The following TCTN2 variants were observed in gnomAD, a reference collection of about 807,000 sequenced individuals.
TCTN2 encodes the protein tectonic family member 2, also known as tectonic-2.
Under a neutral mutation model 83.4 loss-of-function variants are expected in TCTN2, and 66 were observed. The observed-to-expected ratio is 0.79, with a 90% CI of 0.65 to 0.97. The LOEUF (loss-of-function observed/expected upper bound fraction) is 0.97, where lower values mean the gene tolerates loss of function less well. Among genes scored for constraint, TCTN2 ranks in the 50% least tolerant of loss-of-function variants. TCTN2 has a pLI of 0.00. For missense variants in TCTN2, 794 were observed against 858.1 expected (o/e 0.93, Z 0.93); for synonymous variants, 301 against 326.7 (o/e 0.92, Z 0.85).
Position 123,704,531 on chromosome 12 carries a change from G to C in TCTN2, c.1613-1G>C, listed in dbSNP as rs1593868632. On this transcript the variant is annotated splice_acceptor_variant, in intron 14 of 17. Transcript: ENST00000303372. LOFTEE classifies it high-confidence loss of function. The stretch of plus-strand genomic sequence containing the variant: ...AAGTGTATAACTTAACATTTCTATA[G>C]GTGTAGATGCCCCTGATCCAGGTGC... 6.2e-7 allele frequency: 1 copy of C among 1,610,100 alleles called. No individual in the cohort carries two copies. The highest frequency in any genetic ancestry group is 1.1e-5 in the South Asian group (1 of 90,500).
intron 11 of TCTN2, 115 bp from the exon 12 acceptor site, chr12:123,696,300 G>A (rs1241972381): frequency 4.6e-6 from 4 of 874,492 alleles, no homozygotes; most frequent in African/African-American, 1.7e-5. Context: ...GGGTATTTTC[G>A]AAAGCTTCGC....
chr12:123,695,510 C>A, intron 11 of TCTN2: 1 of 438,384 alleles, frequency 2.3e-6, no homozygotes, highest in Non-Finnish European at 4.1e-6. Context: ...CAACCTGCAC[C>A]TCCTGGGTTC....
intron 3 of TCTN2, among the ~76,000 whole-genome samples, chr12:123,673,397 G>A (rs746934693): frequency 6.6e-6 from 1 of 152,152 alleles, no homozygotes; most frequent in African/African-American, 2.4e-5. Context: ...TAAGTATCCC[G>A]AAGTTGTTTG....
chr12:123,686,930 C>G lies in TCTN2; in HGVS notation c.659C>G (p.Ser220Cys). The G allele has an allele frequency of 6.2e-7, 1 of 1,614,216 alleles. No individual in the cohort carries two copies. Among genetic ancestry groups the G allele is most frequent in the Non-Finnish European group, 8.5e-7 (1 of 1,180,050 alleles). Residue 220 changes from serine to cysteine, a missense_variant, in exon 6 of 18, where the codon TCT becomes TGT. Physicochemically the swap from Ser to Cys is moderately radical, Grantham distance 112. Coordinates refer to ENST00000303372, the MANE Select transcript of TCTN2 (RefSeq NM_024809.5). ...DVNPPFDQLCSAGTTTRGVPD... is the reference protein window; with the variant it reads ...DVNPPFDQLCCAGTTTRGVPD... ...AATCCTCCTTTTGATCAGCTCTGCT[C>G]TGCTGGGACGACGACACGTGGTGTC...
intron 9 of TCTN2, among the ~76,000 whole-genome samples, chr12:123,693,018 CTTTTTTTT>C (rs539689505): frequency 9.3e-5 from 5 of 53,780 alleles, no homozygotes; most frequent in South Asian, 7.5e-4. Flanking sequence ...TTAAATAATT[CTTTTTTTT>C]TTTTTTTTTT....
chr12:123,677,468 A>G (rs1347118419), intron 4 of TCTN2, among the ~76,000 whole-genome samples: 1 of 152,206 alleles, frequency 6.6e-6, no homozygotes, highest in African/African-American at 2.4e-5. Flanking sequence ...AATTCAGCAG[A>G]ATGAAACTTT....
At chr12:123,684,792 C>T (rs1446982151) in intron 5 of TCTN2, among the ~76,000 whole-genome samples, 1 of 152,038 alleles carries the variant, frequency 6.6e-6, no homozygotes, top group African/African-American at 2.4e-5. Flanking sequence ...TGGCTCACCA[C>T]TGTAATCCCA....
chr12:123,707,725 GC>G lies in TCTN2; in HGVS notation c.*13del. ...AAGCCTATAGTTAGACAACCACCTG[GC>G]TTTTATTTTTTTGAGATGGAGTTTT... On this transcript the variant is annotated 3_prime_UTR_variant, in exon 18 of 18. Coordinates refer to ENST00000303372, the MANE Select transcript of TCTN2 (RefSeq NM_024809.5). The G allele has an allele frequency of 6.2e-7, 1 of 1,608,756 alleles. No individual in the cohort carries two copies. Among genetic ancestry groups the G allele is most frequent in the Non-Finnish European group, 8.5e-7 (1 of 1,175,292 alleles).
At chr12:123,703,034 G>C in intron 14 of TCTN2, among the ~76,000 whole-genome samples, 1 of 152,114 alleles carries the variant, frequency 6.6e-6, no homozygotes, top group East Asian at 1.9e-4. Flanking sequence ...TTTTCTCCAA[G>C]ACGAATGCAA....
intron 14 of TCTN2, among the ~76,000 whole-genome samples, chr12:123,703,382 A>T (rs1566263225): frequency 6.6e-6 from 1 of 152,066 alleles, no homozygotes; most frequent in Non-Finnish European, 1.5e-5. Context: ...GGGTTTCACC[A>T]TGTTGGCCAG....
In TCTN2 at chr12:123,673,684, T is replaced by G; in HGVS notation, c.337T>G (p.Phe113Val). The change falls in exon 4 of 18, where the codon TTC becomes GTC. Residue 113 changes from phenylalanine to valine, a missense_variant. Transcript: ENST00000303372. ...DWCSSNETDSFSESPCILQTL... is the reference protein window; with the variant it reads ...DWCSSNETDSVSESPCILQTL... The stretch of plus-strand genomic sequence containing the variant: ...GTGTTCCTCCAATGAGACAGATTCC[T>G]TCTCAGAGTCCCCCTGTATCCTCCA... The G allele has an allele frequency of 6.2e-7, 1 of 1,614,226 alleles. No individual in the cohort carries two copies. Among genetic ancestry groups the G allele is most frequent in the African/African-American group, 1.3e-5 (1 of 75,064 alleles).
At chr12:123,687,850 C>T (rs974522311) in intron 6 of TCTN2, among the ~76,000 whole-genome samples, 1 of 151,890 alleles carries the variant, frequency 6.6e-6, no homozygotes, top group Non-Finnish European at 1.5e-5. Context: ...GTAATCCCAG[C>T]TTACTCGGGA....
intron 13 of TCTN2, among the ~76,000 whole-genome samples, chr12:123,698,435 G>A (rs1360254083): frequency 2.6e-5 from 4 of 151,430 alleles, no homozygotes; most frequent in Admixed American, 6.6e-5. Flanking sequence ...GATTGCATGC[G>A]TTCTTTTTGG....
At position 123,697,211 on chromosome 12, in the gene TCTN2, T is replaced by C. The variant is rs2135849825; in HGVS notation, c.1505+13T>C. ...GTACTCAGCTCAGGTGAGTGTTTCA[T>C]TGATGAATATATCGGCAATGTGAAT... On this transcript the variant is annotated intron_variant, in intron 13 of 17. Coordinates refer to ENST00000303372, the MANE Select transcript of TCTN2 (RefSeq NM_024809.5). The C allele has an allele frequency of 1.3e-6, 2 of 1,555,952 alleles. No individual in the cohort carries two copies. The highest frequency in any genetic ancestry group is 1.8e-6 in the Non-Finnish European group (2 of 1,126,918).
intron 3 of TCTN2, among the ~76,000 whole-genome samples, chr12:123,672,962 A>G (rs1048898280): frequency 2.0e-5 from 3 of 152,054 alleles, no homozygotes; most frequent in Non-Finnish European, 4.4e-5. Context: ...AGGCAGGAGA[A>G]TCACTTGAAC....
rs754269286 is a variant in TCTN2 at position 123,695,188 on chromosome 12, G to A, written c.1235-32G>A. On this transcript the variant is annotated intron_variant, in intron 10 of 17. Transcript: ENST00000303372. ...TAATTTCTTTTCCTAGTGAAATGGT[G>A]CACATTATATTTTATTTTGTTTTAT... The A allele has an allele frequency of 1.9e-4, 280 of 1,461,450 alleles. 1 individual carries two copies. The highest frequency in any genetic ancestry group is 1.8e-4 in the Admixed American group (11 of 59,718). 90.5% of individuals were successfully genotyped at this position (1,461,450 alleles called of 1,614,324 possible).
At chr12:123,684,056 G>GT (rs1477637363) in intron 5 of TCTN2, among the ~76,000 whole-genome samples, 1 of 152,162 alleles carries the variant, frequency 6.6e-6, no homozygotes, top group Admixed American at 6.6e-5. Context: ...TGTTTCATTG[G>GT]TTTTTTACTT....
intron 4 of TCTN2, among the ~76,000 whole-genome samples, chr12:123,676,051 A>T (rs1955816484): frequency 6.6e-6 from 1 of 150,636 alleles, no homozygotes; most frequent in Non-Finnish European, 1.5e-5. Flanking sequence ...GGCTGAGGTG[A>T]GTGGGCCACT....
Position 123,672,778 on chromosome 12 carries a change from C to T in TCTN2, c.267+646C>T, listed in dbSNP as rs1207591213. On this transcript the variant is annotated intron_variant, in intron 3 of 17. Transcript: ENST00000303372. The stretch of plus-strand genomic sequence containing the variant: ...AAAAAAAGAAAAAGCTGGTCAGGCG[C>T]GGTGGCTCACGCCTGTAATCCTAGC... 2.0e-5 allele frequency among the ~76,000 whole-genome samples: 3 copies of T among 151,250 alleles called. No individual in the cohort carries two copies. In the East Asian group the frequency reaches 5.9e-4, roughly 30 times the overall value.
Sources: gnomAD v4.1 joint callset for allele counts (sites outside exome capture counted in the v4.1 genomes callset) on GRCh38, gnomAD v4.1.1 for gene constraint, MANE v1.5 for transcripts, NCBI Gene and HGNC (gene_info 2026-07-23, HGNC 2026-07-21) for gene names.